Variants in RNF212 observed in about 807,000 individuals in gnomAD.
RNF212 encodes the protein ring finger protein 212, also known as probable E3 SUMO-protein ligase RNF212.
Under a neutral mutation model 34.7 loss-of-function variants are expected in RNF212, and 33 were observed. The ratio of observed to expected loss-of-function variants is 0.95; its 90% CI spans 0.72 to 1.27. RNF212 has a LOEUF of 1.27. Ranked by LOEUF, RNF212 falls within the 50% of genes most tolerant of loss-of-function variation. RNF212 has a pLI of 0.00. For synonymous variants in RNF212, 140 were observed against 136.1 expected (o/e 1.03, Z -0.20); for missense variants, 377 against 362.2 (o/e 1.04, Z -0.33).
At chr4:1,104,669 C>T (rs1373074545) in intron 2 of RNF212, among the ~76,000 whole-genome samples, 8 of 152,252 alleles carry the variant, frequency 5.3e-5, no homozygotes, top group East Asian at 1.9e-4. Flanking sequence ...CTCCCTTAGA[C>T]AGAAAGTCAC....
intron 3 of RNF212, among the ~76,000 whole-genome samples, chr4:1,060,068 C>T (rs933090457): frequency 6.8e-6 from 1 of 147,286 alleles, no homozygotes; most frequent in African/African-American, 2.5e-5. Context: ...CATTGCACTC[C>T]AGCCTGGGCA....
At chr4:1,112,785 T>G (rs1725918042) in intron 1 of RNF212, among the ~76,000 whole-genome samples, 1 of 88,406 alleles carries the variant, frequency 1.1e-5, no homozygotes, top group African/African-American at 4.5e-5. Context: ...CCCTGGCGTC[T>G]CCCCTCCCCC....
intron 2 of RNF212, chr4:1,101,321 A>G: frequency 3.7e-6 from 1 of 271,652 alleles, no homozygotes; most frequent in South Asian, 4.8e-5. Flanking sequence ...TTGGTAGACA[A>G]TACTGAGCAG....
At chr4:1,060,635 A>C (rs115940263) in intron 3 of RNF212, among the ~76,000 whole-genome samples, 2,266 of 152,364 alleles carry the variant, frequency 0.015, 59 homozygotes, top group African/African-American at 0.052. Flanking sequence ...AAAGATGTCC[A>C]TTTGAAAAAT....
At chr4:1,088,336 T>C (rs1010455023) in intron 4 of RNF212, among the ~76,000 whole-genome samples, 1 of 152,174 alleles carries the variant, frequency 6.6e-6, no homozygotes, top group Admixed American at 6.5e-5. Flanking sequence ...CTGTGGAACT[T>C]TGAACTTGAA....
intron 8 of RNF212, among the ~76,000 whole-genome samples, chr4:1,075,409 C>T (rs1416042021): frequency 1.3e-5 from 2 of 152,186 alleles, no homozygotes; most frequent in East Asian, 1.9e-4. Flanking sequence ...TGGGAGGCTA[C>T]AATCAGGGTG....
intron 2 of RNF212, among the ~76,000 whole-genome samples, chr4:1,099,503 G>A (rs1260540505): frequency 6.6e-6 from 1 of 152,150 alleles, no homozygotes; most frequent in East Asian, 1.9e-4. Flanking sequence ...CCAGGAGCGG[G>A]GCGGGGAAGG....
chr4:1,091,776 G>A (rs1321832927), intron 3 of RNF212, among the ~76,000 whole-genome samples: 3 of 152,230 alleles, frequency 2.0e-5, no homozygotes, highest in Non-Finnish European at 4.4e-5. Context: ...CAGGACAGCA[G>A]GGATGACAGC....
At chr4:1,073,864 A>G in intron 8 of RNF212, 1 of 570,646 alleles carries the variant, frequency 1.8e-6, no homozygotes, top group South Asian at 2.2e-5. Context: ...GTGGGTGGGT[A>G]TTACCTGATT....
chr4:1,084,321 G>T (rs1720830393), intron 5 of RNF212, among the ~76,000 whole-genome samples: 1 of 152,174 alleles, frequency 6.6e-6, no homozygotes, highest in African/African-American at 2.4e-5. Flanking sequence ...AAATGTTTCT[G>T]CAAAGGGCTA....
At chr4:1,100,084 C>T (rs890819747) in intron 2 of RNF212, 2 of 350,080 alleles carry the variant, frequency 5.7e-6, no homozygotes, top group African/African-American at 4.3e-5. Context: ...GGGCGCCAGG[C>T]TTACACAGGA....
At chr4:1,059,021 C>T (rs184143819) in intron 3 of RNF212, among the ~76,000 whole-genome samples, 10 of 152,360 alleles carry the variant, frequency 6.6e-5, no homozygotes, top group African/African-American at 1.2e-4. Flanking sequence ...GGAGATGTGA[C>T]GACTGAGTTC....
chr4:1,056,756 T>C (rs749621619), intron 4 of RNF212: 74 of 789,956 alleles, frequency 9.4e-5, no homozygotes, highest in Non-Finnish European at 1.1e-4. Flanking sequence ...TGGCTGCCCT[T>C]GGCACACACT....
At chr4:1,064,200 A>T (rs530853205) in intron 3 of RNF212, among the ~76,000 whole-genome samples, 7 of 152,350 alleles carry the variant, frequency 4.6e-5, no homozygotes, top group African/African-American at 1.4e-4. Flanking sequence ...TATAACACAT[A>T]GATCCCATAT....
intron 3 of RNF212, chr4:1,093,905 G>T (rs1201585078): frequency 1.3e-6 from 2 of 1,536,092 alleles, no homozygotes; most frequent in African/African-American, 1.4e-5. Flanking sequence ...GTGTTCTTGG[G>T]GATCTCTGGC....
chr4:1,067,834 C>CTCCA (rs2153034188), downstream of RNF212, among the ~76,000 whole-genome samples: 1 of 149,488 alleles, frequency 6.7e-6, no homozygotes, highest in South Asian at 2.1e-4. Flanking sequence ...CACCACTGCA[C>CTCCA]TCCAGCCTGG....
At chr4:1,061,450 G>C (rs1717742596) in intron 3 of RNF212, among the ~76,000 whole-genome samples, 1 of 152,212 alleles carries the variant, frequency 6.6e-6, no homozygotes, top group South Asian at 2.1e-4. Context: ...GAACAAGAGA[G>C]CCAGACAGAG....
Position 1,096,907 on chromosome 4 carries a change from CTG to C in RNF212, c.172-70_172-69del, listed in dbSNP as rs1577773660. 3.3e-6 allele frequency: 4 copies of C among 1,216,574 alleles called. No individual in the cohort carries two copies. The East Asian group carries it at 9.3e-5, about 28-fold the overall frequency. 75.4% of individuals were successfully genotyped at this position (1,216,574 alleles called of 1,614,324 possible). ...AACGCTTCTGGCCCCCAGTTAAAAA[CTG>C]TACTTGAAGACCTAGAATTAGCTAT... On this transcript the variant is annotated intron_variant, in intron 2 of 9. Coordinates refer to ENST00000433731, the MANE Select transcript of RNF212 (RefSeq NM_001131034.4).
At chr4:1,087,740 G>A (rs369413999) in intron 4 of RNF212, among the ~76,000 whole-genome samples, 11 of 151,640 alleles carry the variant, frequency 7.3e-5, no homozygotes, top group African/African-American at 2.7e-4. Flanking sequence ...GAGGTGATTG[G>A]ATCATGGGGG....
Sources: allele counts gnomAD v4.1 joint callset (sites outside exome capture counted in the v4.1 genomes callset), GRCh38; gene constraint gnomAD v4.1.1; transcripts MANE v1.5; gene names NCBI Gene and HGNC (gene_info 2026-07-23, HGNC 2026-07-21).